The following DDX21 variants were observed in gnomAD, a reference collection of about 807,000 sequenced individuals.
DDX21 encodes nucleolar RNA helicase 2.
DDX21 carries 18 observed loss-of-function variants against 90.0 expected under a neutral mutation model. The ratio of observed to expected loss-of-function variants is 0.20; its 90% CI spans 0.14 to 0.30. The LOEUF is 0.30. Among genes scored for constraint, DDX21 ranks in the 10% least tolerant of loss-of-function variants. The pLI is 1.00. For missense variants in DDX21, 673 were observed against 944.5 expected (o/e 0.71, Z 3.77); for synonymous variants, 294 against 318.0 (o/e 0.92, Z 0.80).
chr10:68,983,071 TATC>T lies in DDX21; in HGVS notation c.*260_*262del. On this transcript the variant is annotated 3_prime_UTR_variant, in exon 15 of 15. Transcript: ENST00000354185. The stretch of plus-strand genomic sequence containing the variant: ...TCATTACATTTTTATTCTAATGTAT[TATC>T]TGTAGATTAGAAGATAAAATCAAGC... 2.0e-6 allele frequency: 1 copy of T among 504,900 alleles called. No homozygotes were observed. The highest frequency in any genetic ancestry group is 2.4e-5 in the South Asian group (1 of 40,846). 31.3% of individuals were successfully genotyped at this position (504,900 alleles called of 1,614,324 possible).
intron 3 of DDX21, 109 bp downstream of exon 3, chr10:68,962,266 T>A (rs548370091): frequency 1.3e-6 from 1 of 747,946 alleles, no homozygotes; most frequent in African/African-American, 1.8e-5. Context: ...TAGGCTGATA[T>A]ATGCAGTCAT....
intron 6 of DDX21, among the ~76,000 whole-genome samples, chr10:68,967,891 A>G (rs1465500278): frequency 2.0e-5 from 3 of 151,640 alleles, no homozygotes; most frequent in Non-Finnish European, 2.9e-5. Flanking sequence ...AATATCTGGA[A>G]TTGTTTTTTG....
chr10:68,963,432 G>A lies in DDX21; in HGVS notation c.749G>A (p.Gly250Glu), dbSNP rs775033895. Residue 250 changes from glycine (G) to glutamate (E), a missense_variant, in exon 4 of 15, where the codon GGG becomes GAG. Coordinates refer to ENST00000354185, the MANE Select transcript of DDX21 (RefSeq NM_004728.4). Reference sequence around the variant, plus strand: ...ATCCCTTTGATTGAGAAACTTCATGGGGAACTGCAAGACAGGAAGAGAGGC... The same window carrying A: ...ATCCCTTTGATTGAGAAACTTCATGAGGAACTGCAAGACAGGAAGAGAGGC... Reference protein sequence around the residue: ...FAIPLIEKLHGELQDRKRGRA... With the variant: ...FAIPLIEKLHEELQDRKRGRA... 6 of 1,613,896 alleles carry A rather than the reference G, an allele frequency of 3.7e-6. No individual in the cohort carries two copies. Among genetic ancestry groups the A allele is most frequent in the Non-Finnish European group, 5.1e-6 (6 of 1,179,928 alleles).
chr10:68,960,798 C>T (rs559599989), intron 2 of DDX21, among the ~76,000 whole-genome samples: 4 of 150,196 alleles, frequency 2.7e-5, no homozygotes. Context: ...AAAAAATTAG[C>T]ATAGTGTCAC....
At chr10:68,982,399 C>A in intron 14 of DDX21, 144 bp from the exon 15 acceptor site, 1 of 1,156,772 alleles carries the variant, frequency 8.6e-7, no homozygotes, top group Non-Finnish European at 1.2e-6. Context: ...GATGGGTGGC[C>A]AGTGTTATTT....
intron 6 of DDX21, among the ~76,000 whole-genome samples, chr10:68,968,082 G>A (rs1589285479): frequency 1.3e-5 from 2 of 150,774 alleles, no homozygotes; most frequent in East Asian, 3.9e-4. Flanking sequence ...GTTTCACCAT[G>A]CTGGTCTTGA....
intron 13 of DDX21, among the ~76,000 whole-genome samples, chr10:68,980,527 C>A (rs1431977571): frequency 6.6e-6 from 1 of 152,124 alleles, no homozygotes; most frequent in Non-Finnish European, 1.5e-5. Context: ...CCATGAATGG[C>A]AAAATCCACC....
intron 6 of DDX21, 91 bp from the exon 7 acceptor site, chr10:68,968,885 T>C: frequency 6.9e-7 from 1 of 1,459,206 alleles, no homozygotes; most frequent in African/African-American, 1.4e-5. Flanking sequence ...TGGTGAACAT[T>C]GATGGACTGT....
intron 9 of DDX21, among the ~76,000 whole-genome samples, chr10:68,972,989 A>G (rs928326681): frequency 6.6e-6 from 1 of 152,162 alleles, no homozygotes; most frequent in African/African-American, 2.4e-5. Context: ...GTTCGAGACC[A>G]GCCTGGCCAA....
chr10:68,956,328 C>T lies in DDX21; in HGVS notation c.87+16C>T, dbSNP rs1842792976. ...AACCGAGGAGGTGAAACGGAGGGAC[C>T]TGGGGCCAGGAGGGACGCTGAATGG... On this transcript the variant is annotated intron_variant, in intron 1 of 14. Coordinates refer to ENST00000354185, the MANE Select transcript of DDX21 (RefSeq NM_004728.4). 6.2e-7 allele frequency: 1 copy of T among 1,613,932 alleles called. No homozygotes were observed. Among genetic ancestry groups the T allele is most frequent in the Non-Finnish European group, 8.5e-7 (1 of 1,179,892 alleles).
In DDX21 at chr10:68,963,366, C is replaced by T; in HGVS notation, c.683C>T (p.Ala228Val). ...HHVYSGKDLIAQARTGTGKTF... is the reference protein window; with the variant it reads ...HHVYSGKDLIVQARTGTGKTF... Reference sequence around the variant, plus strand: ...GTTTACAGCGGGAAGGACTTAATTGCACAGGCACGGACAGGAACTGGGAAG... The same window carrying T: ...GTTTACAGCGGGAAGGACTTAATTGTACAGGCACGGACAGGAACTGGGAAG... The change falls in exon 4 of 15, where the codon GCA (alanine) becomes GTA (valine). Residue 228 changes from alanine (A) to valine (V), a missense_variant. Ala to Val is a moderately conservative substitution (Grantham distance 64, BLOSUM62 0). Coordinates refer to ENST00000354185, the MANE Select transcript of DDX21 (RefSeq NM_004728.4). 6.2e-7 allele frequency: 1 copy of T among 1,614,104 alleles called. No individual in the cohort carries two copies. The highest frequency in any genetic ancestry group is 8.5e-7 in the Non-Finnish European group (1 of 1,180,000).
intron 1 of DDX21, among the ~76,000 whole-genome samples, chr10:68,958,272 C>G (rs538282299): frequency 6.6e-6 from 1 of 151,762 alleles, no homozygotes; most frequent in South Asian, 2.1e-4. Flanking sequence ...CTGCATCCTG[C>G]CCTTTTATTT....
In DDX21 at chr10:68,984,391, T is replaced by G. The variant is rs2132100887; in HGVS notation, c.*1579T>G. The stretch of plus-strand genomic sequence containing the variant: ...CATTCTTTTTCTATTTGAACTTCAG[T>G]TCTGTCCTTGAATCCCGACTAGATA... On this transcript the variant is annotated 3_prime_UTR_variant, in exon 15 of 15. Transcript: ENST00000354185. 6.6e-6 allele frequency: 1 copy of G among 152,350 alleles called. No homozygotes were observed. The highest frequency in any genetic ancestry group is 3.4e-3 in the Middle Eastern group (1 of 296). The allele number at this position is 152,350 out of a possible 1,614,324, so 9.4% of individuals were successfully genotyped here. A position where few individuals can be genotyped will look rare whatever the true frequency, so the allele number is the denominator to read the frequency against.
intron 8 of DDX21, 129 bp from the exon 9 acceptor site, chr10:68,971,762 T>TC: frequency 1.2e-6 from 1 of 809,104 alleles, no homozygotes; most frequent in Non-Finnish European, 2.0e-6. Context: ...AGACACATTT[T>TC]CCCCTTTGTA....
chr10:68,973,602 G>T lies in DDX21; in HGVS notation c.1606G>T (p.Val536Leu). The T allele has an allele frequency of 6.2e-7, 1 of 1,614,144 alleles. No individual in the cohort carries two copies. Among genetic ancestry groups the T allele is most frequent in the Non-Finnish European group, 8.5e-7 (1 of 1,180,016 alleles). ...GRTGRAGRTG[V>L]CICFYQHKEE... ...GACAGGCAGAGCTGGAAGGACGGGG[G>T]TGTGCATCTGCTTTTATCAGCACAA... Residue 536 changes from valine (V) to leucine (L), a missense_variant, in exon 10 of 15, where the codon GTG becomes TTG. By Grantham distance (32) the Val-to-Leu change is conservative. Coordinates refer to ENST00000354185, the MANE Select transcript of DDX21 (RefSeq NM_004728.4).
At chr10:68,969,202 T>C (rs1437205384) in intron 7 of DDX21, 81 bp downstream of exon 7, 1 of 1,329,526 alleles carries the variant, frequency 7.5e-7, no homozygotes, top group Non-Finnish European at 1.0e-6. Flanking sequence ...TGGCAAATGC[T>C]CTTTTTCCAG....
chr10:68,977,516 T>A lies in DDX21; in HGVS notation c.1743-13T>A. Reference sequence around the variant, plus strand: ...TCTAGTATCCTTTCTCCTAACACACTCTCAAACAACAGGCTTTTGGATTCC... The same window carrying A: ...TCTAGTATCCTTTCTCCTAACACACACTCAAACAACAGGCTTTTGGATTCC... On this transcript the variant is annotated splice_polypyrimidine_tract_variant and intron_variant, in intron 11 of 14. Coordinates refer to ENST00000354185, the MANE Select transcript of DDX21 (RefSeq NM_004728.4). 6.3e-7 allele frequency: 1 copy of A among 1,598,450 alleles called. No individual in the cohort carries two copies. The highest frequency in any genetic ancestry group is 8.5e-7 in the Non-Finnish European group (1 of 1,169,880).
intron 2 of DDX21, 68 bp downstream of exon 2, chr10:68,960,317 GC>G: frequency 6.8e-7 from 1 of 1,467,238 alleles, no homozygotes; most frequent in Non-Finnish European, 9.2e-7. Context: ...GTAGGTAACT[GC>G]TATATGTACT....
chr10:68,973,438 C>A, intron 9 of DDX21, 107 bp from the exon 10 acceptor site: 3 of 1,413,112 alleles, frequency 2.1e-6, no homozygotes, highest in Non-Finnish European at 9.8e-7. Context: ...CCCTCATGTC[C>A]CCAGGTTTAT....
Sources: gnomAD v4.1 joint callset for allele counts (sites outside exome capture counted in the v4.1 genomes callset) on GRCh38, gnomAD v4.1.1 for gene constraint, MANE v1.5 for transcripts, NCBI Gene and HGNC (gene_info 2026-07-23, HGNC 2026-07-21) for gene names.